The following IL1RAPL2 variants were observed in gnomAD, a reference collection of about 807,000 sequenced individuals.
The protein encoded by IL1RAPL2 is X-linked interleukin-1 receptor accessory protein-like 2.
IL1RAPL2 carries 3 observed loss-of-function variants against 44.1 expected under a neutral mutation model. The observed-to-expected ratio is 0.07, with a 90% CI of 0.03 to 0.18. IL1RAPL2 has a LOEUF of 0.18. IL1RAPL2 is among the 10% of genes least tolerant of loss of function. The pLI is 1.00. For synonymous variants in IL1RAPL2, 181 were observed against 178.8 expected (o/e 1.01, Z -0.10); for missense variants, 391 against 496.4 (o/e 0.79, Z 2.02).
chrX:104,936,024 G>A (rs760538788), intron 2 of IL1RAPL2, among the ~76,000 whole-genome samples: 1 of 111,893 alleles, frequency 8.9e-6, no homozygotes, highest in Admixed American at 9.5e-5. Context: ...TAACCTCTGT[G>A]GTTTCTACCG....
intron 2 of IL1RAPL2, among the ~76,000 whole-genome samples, chrX:104,781,347 A>C (rs772365537): frequency 8.9e-6 from 1 of 112,281 alleles, no homozygotes; most frequent in East Asian, 2.8e-4. Flanking sequence ...GCTAAGATTC[A>C]AAACCTGTCC....
intron 2 of IL1RAPL2, among the ~76,000 whole-genome samples, chrX:105,004,922 G>A (rs775040164): frequency 4.5e-5 from 5 of 110,885 alleles, no homozygotes; most frequent in African/African-American, 1.6e-4. Context: ...CCCTCAGTGA[G>A]GTGGGGGAGG....
At position 105,074,837 on chromosome X, in the gene IL1RAPL2, C is replaced by G. The variant is rs745912008; in HGVS notation, c.83-120638C>G. On this transcript the variant is annotated intron_variant, in intron 2 of 10. Transcript: ENST00000372582. ...GGGAGTTCACTCATGATTTGGCTCT[C>G]TGTTTGTCTGTTATTGGTGTATAAG... Among the ~76,000 whole-genome samples, 599 of 109,330 alleles carry G rather than the reference C, an allele frequency of 5.5e-3. 7 individuals carry two copies. Among genetic ancestry groups the G allele is most frequent in the African/African-American group, 0.019 (572 of 30,112 alleles). The allele number at this position is 109,330 out of a possible 115,157, so 94.9% of individuals were successfully genotyped here. A position where few individuals can be genotyped will look rare whatever the true frequency, so the allele number is the denominator to read the frequency against.
chrX:105,074,790 T>A (rs1309214591), intron 2 of IL1RAPL2, among the ~76,000 whole-genome samples: 1 of 109,005 alleles, frequency 9.2e-6, no homozygotes, highest in Non-Finnish European at 1.9e-5. Context: ...GGTATTTTAT[T>A]CTCTTTGAAG....
intron 2 of IL1RAPL2, among the ~76,000 whole-genome samples, chrX:104,984,256 G>A: frequency 9.0e-6 from 1 of 111,081 alleles, no homozygotes; most frequent in East Asian, 2.8e-4. Flanking sequence ...ATCACATGTG[G>A]GATTTTCAAA....
chrX:105,048,276 T>G (rs971394719), intron 2 of IL1RAPL2, among the ~76,000 whole-genome samples: 6 of 111,718 alleles, frequency 5.4e-5, no homozygotes, highest in African/African-American at 2.0e-4. Context: ...GATGTAAAAA[T>G]TTGCAGCACT....
intron 2 of IL1RAPL2, among the ~76,000 whole-genome samples, chrX:104,957,402 G>T (rs1318958155): frequency 8.9e-6 from 1 of 111,882 alleles, no homozygotes; most frequent in Non-Finnish European, 1.9e-5. Flanking sequence ...CACCCATGCT[G>T]AAGAACTATC....
chrX:105,405,901 A>G, intron 5 of IL1RAPL2: 1 of 1,166,661 alleles, frequency 8.6e-7, no homozygotes, highest in Non-Finnish European at 1.2e-6. Context: ...GGACTGATTG[A>G]TGATATTGCT....
At chrX:105,379,467 CAT>C (rs2035413208) in intron 5 of IL1RAPL2, among the ~76,000 whole-genome samples, 1 of 111,710 alleles carries the variant, frequency 9.0e-6, no homozygotes, top group East Asian at 2.8e-4. Flanking sequence ...GAACATGAAA[CAT>C]AGGGAGGGGT....
At chrX:104,662,896 G>A (rs1930427917) in intron 2 of IL1RAPL2, among the ~76,000 whole-genome samples, 1 of 111,478 alleles carries the variant, frequency 9.0e-6, no homozygotes, top group African/African-American at 3.3e-5. Context: ...AACCCAAATT[G>A]GGTCATCTTA....
intron 5 of IL1RAPL2, among the ~76,000 whole-genome samples, chrX:105,425,883 TGACTAAGCCCA>T (rs1429698216): frequency 9.1e-6 from 1 of 110,483 alleles, no homozygotes; most frequent in Non-Finnish European, 1.9e-5. Context: ...CAAACCAGCC[TGACTAAGCCCA>T]GACCCCTGTC....
At chrX:105,632,466 G>C (rs1439186025) in intron 6 of IL1RAPL2, among the ~76,000 whole-genome samples, 1 of 111,352 alleles carries the variant, frequency 9.0e-6, no homozygotes, top group African/African-American at 3.3e-5. Context: ...TTTGTTGACA[G>C]CATCAAGAGG....
chrX:104,680,640 A>C (rs192964196), intron 2 of IL1RAPL2, among the ~76,000 whole-genome samples: 2 of 111,256 alleles, frequency 1.8e-5, no homozygotes, highest in East Asian at 5.6e-4. Context: ...AAAACACTAA[A>C]ATTTCTATAA....
At chrX:105,679,739 T>G (rs1037057001) in intron 6 of IL1RAPL2, among the ~76,000 whole-genome samples, 1 of 111,872 alleles carries the variant, frequency 8.9e-6, no homozygotes, top group Admixed American at 9.5e-5. Flanking sequence ...TTTACTAAAA[T>G]TCCCCTCCTT....
chrX:104,927,746 A>G (rs980211366), intron 2 of IL1RAPL2, among the ~76,000 whole-genome samples: 1 of 111,768 alleles, frequency 8.9e-6, no homozygotes, highest in African/African-American at 3.2e-5. Flanking sequence ...AAACATTTGT[A>G]TTTTCCTTCT....
At chrX:105,759,360 T>C (rs1230414392) in intron 10 of IL1RAPL2, among the ~76,000 whole-genome samples, 1 of 111,834 alleles carries the variant, frequency 8.9e-6, no homozygotes, top group Non-Finnish European at 1.9e-5. Flanking sequence ...AAGCTACAGA[T>C]GTCTAAGTGG....
intron 2 of IL1RAPL2, among the ~76,000 whole-genome samples, chrX:105,030,936 T>A (rs2031480654): frequency 9.0e-6 from 1 of 111,345 alleles, no homozygotes; most frequent in Admixed American, 9.6e-5. Flanking sequence ...TGGTTTGTAG[T>A]TCTCCTTGAA....
At chrX:105,004,166 T>G (rs1049902917) in intron 2 of IL1RAPL2, among the ~76,000 whole-genome samples, 7 of 110,304 alleles carry the variant, frequency 6.3e-5, no homozygotes, top group African/African-American at 2.3e-4. Flanking sequence ...ATATCCTGTT[T>G]TCAATACACA....
chrX:104,863,541 G>C (rs1922543367), intron 2 of IL1RAPL2, among the ~76,000 whole-genome samples: 1 of 112,033 alleles, frequency 8.9e-6, no homozygotes, highest in East Asian at 2.8e-4. Context: ...TAAATTTTGG[G>C]AATAAGTTAA....
Sources: gnomAD v4.1 joint callset for allele counts (sites outside exome capture counted in the v4.1 genomes callset) on GRCh38, gnomAD v4.1.1 for gene constraint, MANE v1.5 for transcripts, NCBI Gene and HGNC (gene_info 2026-07-23, HGNC 2026-07-21) for gene names.